Variants in ZNF200 observed in about 807,000 individuals in gnomAD.
ZNF200 encodes the protein zinc finger protein 200.
A neutral mutation model predicts 33.6 loss-of-function variants in ZNF200; 35 were observed. The observed-to-expected ratio is 1.04, with a 90% CI of 0.80 to 1.38. ZNF200 has a LOEUF of 1.38. Among genes scored for constraint, ZNF200 ranks in the 40% most tolerant of loss-of-function variants. The probability of loss-of-function intolerance (pLI) is 0.00; values close to 1 mark genes in which losing one functional copy is unlikely to be tolerated. For missense variants in ZNF200, 592 were observed against 470.6 expected, an observed-to-expected ratio of 1.26 and a Z score of -2.39; for synonymous variants, 209 against 167.7, an observed-to-expected ratio of 1.25 and a Z score of -1.90.
At chr16:3,226,430 T>C (rs1453101698) in intron 4 of ZNF200, 1 of 152,210 alleles carries the variant, frequency 6.6e-6, no homozygotes, top group East Asian at 1.9e-4. Context: ...TGAACTACCA[T>C]TCTGCTTTCA....
chr16:3,232,835 C>T lies in ZNF200; in HGVS notation c.337G>A (p.Glu113Lys), dbSNP rs1210557080. ...GTAAATGGGAAAACCAAACCCACCT[C>T]AGGGTTAGCTTTCAAATACAGAGAC... is the stretch of plus-strand genomic sequence containing the variant. ...TVSLYLKANP[E>K]ELVVFEDLNV... The change falls in exon 3 of 5, where the codon GAG (glutamate) becomes AAG (lysine). Residue 113 changes from glutamate (E) to lysine (K), a missense_variant and splice_region_variant. Glu to Lys is a moderately conservative substitution (Grantham distance 56). Transcript: ENST00000414144. The T allele has an allele frequency of 2.5e-6, 4 of 1,613,678 alleles. No homozygotes were observed. The highest frequency in any genetic ancestry group is 1.3e-5 in the African/African-American group (1 of 74,934).
chr16:3,231,314 A>G (rs1460028922), intron 4 of ZNF200, among the ~76,000 whole-genome samples: 1 of 152,244 alleles, frequency 6.6e-6, no homozygotes, highest in East Asian at 1.9e-4. Context: ...TATCACATAG[A>G]GCAACCTGCG....
rs968707173 is a variant in ZNF200 at position 3,222,621 on chromosome 16, A to G, written c.*1271T>C. On this transcript the variant is annotated 3_prime_UTR_variant, in exon 5 of 5. Coordinates refer to ENST00000414144, the MANE Select transcript of ZNF200 (RefSeq NM_198088.3). ...GAAACATACACTATAATTTTTCCCA[A>G]ATAGCTTATAGGATTTCTTTATTCC... The G allele has an allele frequency of 6.6e-6, 1 of 152,208 alleles. No homozygotes were observed. The highest frequency in any genetic ancestry group is 2.4e-5 in the African/African-American group (1 of 41,440). The allele number at this position is 152,208 out of a possible 1,614,324, so 9.4% of individuals were successfully genotyped here.
intron 3 of ZNF200, 90 bp downstream of exon 3, chr16:3,232,743 G>A (rs1031482319): frequency 3.4e-6 from 5 of 1,470,220 alleles, no homozygotes; most frequent in Non-Finnish European, 3.7e-6. Context: ...CACCCAAGAA[G>A]GCCAACTCCT....
Position 3,223,569 on chromosome 16 carries a change from G to T in ZNF200, c.*323C>A, listed in dbSNP as rs1269416940. 1 of 224,890 alleles carries T rather than the reference G, an allele frequency of 4.4e-6. No individual in the cohort carries two copies. Among genetic ancestry groups the T allele is most frequent in the Non-Finnish European group, 8.6e-6 (1 of 115,938 alleles). 13.9% of individuals were successfully genotyped at this position (224,890 alleles called of 1,614,324 possible). ...TTTCAATAGACACAAGTCACTCTTT[G>T]CCTTCCAAGTAAGCAGACTCCAGAT... On this transcript the variant is annotated 3_prime_UTR_variant, in exon 5 of 5. Transcript: ENST00000414144.
chr16:3,230,228 CTG>C (rs35557448), intron 4 of ZNF200, among the ~76,000 whole-genome samples: 7,625 of 152,296 alleles, frequency 0.05, 430 homozygotes, highest in South Asian at 0.3. Context: ...CTACAGAAAA[CTG>C]TGAGCCAAAT....
intron 2 of ZNF200, 152 bp downstream of exon 2, chr16:3,233,354 C>T: frequency 9.3e-7 from 1 of 1,074,370 alleles, no homozygotes; most frequent in Non-Finnish European, 1.3e-6. Context: ...TCACACCCAG[C>T]ACTTGAGAAG....
At chr16:3,228,873 G>A (rs752272358) in intron 4 of ZNF200, among the ~76,000 whole-genome samples, 5 of 151,852 alleles carry the variant, frequency 3.3e-5, no homozygotes, top group East Asian at 3.9e-4. Context: ...GCGTCAAAGG[G>A]GTAAAAACAA....
chr16:3,232,975 G>C (rs923854965), intron 2 of ZNF200, 54 bp from the exon 3 acceptor site: 14 of 1,521,618 alleles, frequency 9.2e-6, no homozygotes, highest in South Asian at 1.1e-5. Context: ...CTAACACAGA[G>C]ACTCCCCATA....
intron 4 of ZNF200, chr16:3,225,742 A>C (rs1332998872): frequency 2.0e-5 from 3 of 152,070 alleles, no homozygotes; most frequent in Non-Finnish European, 4.4e-5. Context: ...CAAAGTGAAA[A>C]AGAACCATGC....
intron 4 of ZNF200, among the ~76,000 whole-genome samples, chr16:3,228,295 C>T (rs1374832766): frequency 6.6e-6 from 1 of 152,020 alleles, no homozygotes; most frequent in Non-Finnish European, 1.5e-5. Flanking sequence ...GTACTTAAGA[C>T]AAATAAATGT....
Position 3,232,542 on chromosome 16 carries a change from C to T in ZNF200, c.345G>A (p.Leu115=), listed in dbSNP as rs565338155. The change falls in exon 4 of 5, where the codon CTG becomes CTA. Residue 115 remains leucine, a synonymous_variant. Transcript: ENST00000414144. Reference sequence around the variant, plus strand: ...ATACATTCAAATCCTCAAAGACCACCAGCTCCTGAAAGAGCAAGAGGCCCC... The same window carrying T: ...ATACATTCAAATCCTCAAAGACCACTAGCTCCTGAAAGAGCAAGAGGCCCC... The part of the protein sequence containing the change: ...SLYLKANPEE[L]VVFEDLNVFH... The T allele has an allele frequency of 6.2e-7, 1 of 1,613,674 alleles. No homozygotes were observed. The highest frequency in any genetic ancestry group is 2.2e-5 in the East Asian group (1 of 44,886).
Position 3,232,912 on chromosome 16 carries a change from C to A in ZNF200, c.260G>T (p.Arg87Leu). The A allele has an allele frequency of 6.2e-7, 1 of 1,613,598 alleles. No individual in the cohort carries two copies. The highest frequency in any genetic ancestry group is 1.1e-5 in the South Asian group (1 of 91,062). Residue 87 changes from arginine (R) to leucine (L), a missense_variant, in exon 3 of 5, where the codon CGT becomes CTT. Coordinates refer to ENST00000414144, the MANE Select transcript of ZNF200 (RefSeq NM_198088.3). ...SSSLQNRVHP[R>L]PLVKLLPKGV... ...TTTGGGCAGAAGCTTCACCAAGGGA[C>A]GAGGATGCACTGGGGAAAGAGGAAG...
intron 4 of ZNF200, chr16:3,224,871 C>T: frequency 1.1e-5 from 5 of 464,690 alleles, no homozygotes; most frequent in Non-Finnish European, 1.9e-5. Flanking sequence ...TGTTTGTTCT[C>T]TTCATAGGTG....
At chr16:3,225,913 T>TA (rs2141619111) in intron 4 of ZNF200, 1 of 146,246 alleles carries the variant, frequency 6.8e-6, no homozygotes, top group Admixed American at 6.8e-5. Flanking sequence ...TTATTTCACT[T>TA]TTTTTTTTTT....
chr16:3,233,026 C>A, intron 2 of ZNF200, 105 bp from the exon 3 acceptor site: 1 of 1,000,888 alleles, frequency 1.0e-6, no homozygotes. Context: ...ACAGGTAACT[C>A]ATGGCCTTTT....
Position 3,233,827 on chromosome 16 carries a change from G to A in ZNF200, c.-72C>T. The A allele has an allele frequency of 6.5e-7, 1 of 1,533,112 alleles. No individual in the cohort carries two copies. The highest frequency in any genetic ancestry group is 8.8e-7 in the Non-Finnish European group (1 of 1,141,226). The allele number at this position is 1,533,112 out of a possible 1,614,324, so 95.0% of individuals were successfully genotyped here. On this transcript the variant is annotated 5_prime_UTR_variant, in exon 2 of 5. Coordinates refer to ENST00000414144, the MANE Select transcript of ZNF200 (RefSeq NM_198088.3). ...ACCTCTTACTAGAGGAAATCTGCCAGAGAGCCAAGCTGTAGACAGAGAAAC... is the reference window on the plus strand; with the variant it reads ...ACCTCTTACTAGAGGAAATCTGCCAAAGAGCCAAGCTGTAGACAGAGAAAC...
intron 2 of ZNF200, 76 bp from the exon 3 acceptor site, chr16:3,232,997 G>A (rs910872989): frequency 3.0e-6 from 4 of 1,334,208 alleles, no homozygotes; most frequent in African/African-American, 2.9e-5. Flanking sequence ...CGCGAGGCCA[G>A]GCTGTCCTCA....
intron 4 of ZNF200, among the ~76,000 whole-genome samples, chr16:3,228,623 T>C (rs1958543788): frequency 6.6e-6 from 1 of 151,828 alleles, no homozygotes; most frequent in Non-Finnish European, 1.5e-5. Context: ...GCCTCCAGAG[T>C]AACTGGGATT....
Sources: gnomAD v4.1 joint callset for allele counts (sites outside exome capture counted in the v4.1 genomes callset) on GRCh38, gnomAD v4.1.1 for gene constraint, MANE v1.5 for transcripts, NCBI Gene and HGNC (gene_info 2026-07-23, HGNC 2026-07-21) for gene names.